The following SULT4A1 variants were observed in gnomAD, a reference collection of about 807,000 sequenced individuals.
SULT4A1 encodes sulfotransferase 4A1.
In SULT4A1, 11 loss-of-function variants were observed where a neutral mutation model predicts 35.2. The ratio of observed to expected loss-of-function variants is 0.31; its 90% CI spans 0.20 to 0.52. SULT4A1 has a LOEUF of 0.52. Among genes scored for constraint, SULT4A1 ranks in the 20% least tolerant of loss-of-function variants. The pLI is 0.97. For synonymous variants in SULT4A1, 152 were observed against 151.8 expected (o/e 1.00, Z -0.01); for missense variants, 271 against 383.7 (o/e 0.71, Z 2.45).
At chr22:43,840,119 A>AG in intron 2 of SULT4A1, 94 bp from the exon 3 acceptor site, 1 of 550,190 alleles carries the variant, frequency 1.8e-6, no homozygotes, top group Non-Finnish European at 3.0e-6. Context: ...GGAGGAAGGA[A>AG]GGGGTGGGGT....
At chr22:43,841,721 G>A in intron 2 of SULT4A1, 81 bp downstream of exon 2, 1 of 1,550,360 alleles carries the variant, frequency 6.5e-7, no homozygotes, top group Middle Eastern at 1.7e-4. Flanking sequence ...AGAGCCCCCA[G>A]GAGCAACTGT....
rs772560635 is a variant in SULT4A1 at position 43,841,839 on chromosome 22, A to G, written c.263T>C (p.Val88Ala). The G allele has an allele frequency of 6.2e-7, 1 of 1,613,996 alleles. No individual in the cohort carries two copies. Among genetic ancestry groups the G allele is most frequent in the South Asian group, 1.1e-5 (1 of 91,080 alleles). ...GLMNIDEQLP[V>A]LEYPQPGLDI... ...CAGGCCCGGCTGTGGGTACTCCAGGACCGGGAGCTGCTCGTCGATGTTCAT... is the reference window on the plus strand; with the variant it reads ...CAGGCCCGGCTGTGGGTACTCCAGGGCCGGGAGCTGCTCGTCGATGTTCAT... Residue 88 changes from valine (V) to alanine (A), a missense_variant, in exon 2 of 7, where the codon GTC (valine) becomes GCC (alanine). By Grantham distance (64) the Val-to-Ala change is moderately conservative. Transcript: ENST00000330884.
chr22:43,844,131 CTT>C (rs1419312409), intron 1 of SULT4A1, among the ~76,000 whole-genome samples: 7 of 152,176 alleles, frequency 4.6e-5, no homozygotes, highest in Non-Finnish European at 7.3e-5. Context: ...TGTGTTGACT[CTT>C]GTGTGAGAGC....
intron 5 of SULT4A1, among the ~76,000 whole-genome samples, chr22:43,830,940 T>C (rs2063320710): frequency 6.6e-6 from 1 of 152,128 alleles, no homozygotes; most frequent in Non-Finnish European, 1.5e-5. Flanking sequence ...TGACTTGACC[T>C]CCATTAAAAC....
intron 2 of SULT4A1, 56 bp from the exon 3 acceptor site, chr22:43,840,081 G>T: frequency 1.4e-6 from 2 of 1,380,240 alleles, no homozygotes; most frequent in Non-Finnish European, 2.0e-6. Context: ...CCAAGGGGAG[G>T]AGTGGGGCCA....
intron 2 of SULT4A1, 73 bp from the exon 3 acceptor site, chr22:43,840,098 AG>A (rs1472501904): frequency 1.0e-5 from 6 of 580,382 alleles, no homozygotes; most frequent in African/African-American, 1.0e-4. Flanking sequence ...GCCAAGGGGA[AG>A]GGGGCCAGAG....
chr22:43,836,405 C>A (rs867656199), intron 4 of SULT4A1, among the ~76,000 whole-genome samples: 2,324 of 91,730 alleles, frequency 0.025, 7 homozygotes, highest in African/African-American at 0.046. Context: ...AGCGTCCTCA[C>A]ACTGCAGGTG....
intron 4 of SULT4A1, 83 bp downstream of exon 4, chr22:43,838,784 C>T (rs549752637): frequency 8.2e-6 from 13 of 1,576,748 alleles, no homozygotes; most frequent in Non-Finnish European, 6.9e-6. Context: ...GAGACCGTGT[C>T]GGGGAAGCAC....
intron 6 of SULT4A1, chr22:43,827,210 C>A: frequency 1.0e-6 from 1 of 985,422 alleles, no homozygotes; most frequent in Non-Finnish European, 1.2e-6. Flanking sequence ...GATCAGAGCT[C>A]TGTCTCCAGC....
At chr22:43,830,578 A>T (rs1322311009) in intron 5 of SULT4A1, among the ~76,000 whole-genome samples, 3 of 152,232 alleles carry the variant, frequency 2.0e-5, no homozygotes, top group Non-Finnish European at 2.9e-5. Flanking sequence ...AAGAGGCCGC[A>T]CACCACGGCA....
rs4149439 is a variant in SULT4A1 at position 43,861,047 on chromosome 22, C to T, written c.169+1167G>A. 3.9e-5 allele frequency among the ~76,000 whole-genome samples: 6 copies of T among 152,298 alleles called. No homozygotes were observed. In the East Asian group the frequency reaches 9.7e-4, roughly 25 times the overall value. On this transcript the variant is annotated intron_variant, in intron 1 of 6. Coordinates refer to ENST00000330884, the MANE Select transcript of SULT4A1 (RefSeq NM_014351.4). ...CTTAATGAGTGGCCACAGAAGCCAA[C>T]GACACGCTTAGCCATTCCTAAAGCA...
intron 1 of SULT4A1, among the ~76,000 whole-genome samples, chr22:43,847,603 G>A: frequency 1.1e-5 from 1 of 87,532 alleles, no homozygotes; most frequent in South Asian, 4.3e-4. Context: ...TCTCTGGCCA[G>A]CCTCCCACCC....
At chr22:43,855,939 G>C (rs2049396593) in intron 1 of SULT4A1, among the ~76,000 whole-genome samples, 1 of 152,220 alleles carries the variant, frequency 6.6e-6, no homozygotes, top group African/African-American at 2.4e-5. Context: ...AGCCCATGCA[G>C]GTGGCGAGAG....
chr22:43,837,282 G>A (rs148963983), intron 4 of SULT4A1, among the ~76,000 whole-genome samples: 3 of 152,356 alleles, frequency 2.0e-5, no homozygotes, highest in Non-Finnish European at 4.4e-5. Context: ...AGTGGAGGAT[G>A]GGTCTGTGAC....
At chr22:43,850,738 T>C (rs552343664) in intron 1 of SULT4A1, among the ~76,000 whole-genome samples, 1 of 152,276 alleles carries the variant, frequency 6.6e-6, no homozygotes, top group African/African-American at 2.4e-5. Context: ...CCTGGGCATG[T>C]GAGACTGAGG....
chr22:43,857,898 A>G (rs1569505319), intron 1 of SULT4A1, among the ~76,000 whole-genome samples: 1 of 151,726 alleles, frequency 6.6e-6, no homozygotes, highest in Non-Finnish European at 1.5e-5. Flanking sequence ...AAAATACAAA[A>G]AATTAGCCAG....
intron 1 of SULT4A1, among the ~76,000 whole-genome samples, chr22:43,848,936 C>T (rs1454951372): frequency 1.3e-5 from 2 of 152,258 alleles, no homozygotes; most frequent in South Asian, 2.1e-4. Context: ...AGCAGCTCTT[C>T]GCAAGTCGGC....
chr22:43,845,272 C>T (rs975320213), intron 1 of SULT4A1, among the ~76,000 whole-genome samples: 1 of 152,154 alleles, frequency 6.6e-6, no homozygotes, highest in South Asian at 2.1e-4. Context: ...CCCAGGTCCA[C>T]CCCTCCACAC....
chr22:43,853,222 C>T lies in SULT4A1; in HGVS notation c.169+8992G>A, dbSNP rs115917138. On this transcript the variant is annotated intron_variant, in intron 1 of 6. Coordinates refer to ENST00000330884, the MANE Select transcript of SULT4A1 (RefSeq NM_014351.4). ...ACACTACACACACACAGCACCAAGG[C>T]TCACAAAGCAAGTGAGCAGCGAAAC... Among the ~76,000 whole-genome samples the T allele has an allele frequency of 8.4e-3, 1,283 of 152,240 alleles. 25 individuals are homozygous for T. Among genetic ancestry groups the T allele is most frequent in the African/African-American group, 0.029 (1,221 of 41,540 alleles).
Sources: gnomAD v4.1 joint callset for allele counts (sites outside exome capture counted in the v4.1 genomes callset) on GRCh38, gnomAD v4.1.1 for gene constraint, MANE v1.5 for transcripts, NCBI Gene and HGNC (gene_info 2026-07-23, HGNC 2026-07-21) for gene names.